DGKB: variants seen among roughly 807,000 people sequenced by gnomAD.
DGKB encodes 90 kDa diacylglycerol kinase.
DGKB carries 67 observed loss-of-function variants against 114.3 expected under a neutral mutation model. That is an observed-to-expected ratio of 0.59 (90% CI 0.48 to 0.72). The LOEUF is 0.72. Among genes scored for constraint, DGKB ranks in the 30% least tolerant of loss-of-function variants. The pLI is 0.00. For missense variants in DGKB, 907 were observed against 975.2 expected, an observed-to-expected ratio of 0.93 and a Z score of 0.93; for synonymous variants, 398 against 323.1, an observed-to-expected ratio of 1.23 and a Z score of -2.49.
intron 2 of DGKB, among the ~76,000 whole-genome samples, chr7:14,805,078 G>C (rs1842632105): frequency 6.6e-6 from 1 of 151,964 alleles, no homozygotes; most frequent in Non-Finnish European, 1.5e-5. Context: ...TCTTCTCCTT[G>C]TATTATTCTC....
At chr7:14,953,865 T>G (rs1786344825) in intron 1 of DGKB, among the ~76,000 whole-genome samples, 1 of 152,108 alleles carries the variant, frequency 6.6e-6, no homozygotes, top group South Asian at 2.1e-4. Context: ...GAAGTGTTTA[T>G]GAGAGCACCA....
At chr7:14,861,613 C>T (rs1470897164) in intron 1 of DGKB, among the ~76,000 whole-genome samples, 2 of 152,054 alleles carry the variant, frequency 1.3e-5, no homozygotes, top group African/African-American at 2.4e-5. Flanking sequence ...TCTTAAAGCA[C>T]TCCCTTTCAC....
chr7:14,689,198 TA>T (rs150639327), intron 9 of DGKB, among the ~76,000 whole-genome samples: 18 of 121,450 alleles, frequency 1.5e-4, no homozygotes, highest in African/African-American at 6.5e-4. Flanking sequence ...AAACTCCTCT[TA>T]TTTTTTTTTT....
chr7:14,861,750 C>T (rs1851009567), intron 1 of DGKB, among the ~76,000 whole-genome samples: 1 of 151,922 alleles, frequency 6.6e-6, no homozygotes, highest in Non-Finnish European at 1.5e-5. Context: ...TTCATTTCCT[C>T]AGTATTATGT....
At chr7:14,259,227 A>C (rs548209960) in intron 23 of DGKB, among the ~76,000 whole-genome samples, 1 of 152,308 alleles carries the variant, frequency 6.6e-6, no homozygotes, top group South Asian at 2.1e-4. Flanking sequence ...TTATGTGTAG[A>C]AATTGTTGAC....
chr7:14,214,021 C>G (rs1788560842), intron 23 of DGKB, among the ~76,000 whole-genome samples: 1 of 152,080 alleles, frequency 6.6e-6, no homozygotes, highest in African/African-American at 2.4e-5. Context: ...TTTATCTCTT[C>G]CCAAGTACTC....
intron 23 of DGKB, among the ~76,000 whole-genome samples, chr7:14,315,029 A>G (rs1235310269): frequency 1.3e-5 from 2 of 151,994 alleles, no homozygotes; most frequent in African/African-American, 4.8e-5. Context: ...ATGCAGCCAA[A>G]CTAAGCTTCA....
intron 1 of DGKB, among the ~76,000 whole-genome samples, chr7:14,912,321 A>T (rs768132872): frequency 2.0e-5 from 3 of 152,178 alleles, no homozygotes; most frequent in Non-Finnish European, 4.4e-5. Flanking sequence ...CAACTACTTC[A>T]TATTTGTTGA....
rs11350983 is a variant in DGKB at position 14,681,110 on chromosome 7, C to CA, written c.1035+1442dup. Among the ~76,000 whole-genome samples, 391 of 140,166 alleles carry CA rather than the reference C, an allele frequency of 2.8e-3. 2 individuals are homozygous for CA. The highest frequency in any genetic ancestry group is 8.3e-3 in the African/African-American group (315 of 37,868). The allele number at this position is 140,166 out of a possible 152,430, so 92.0% of individuals were successfully genotyped here. A position where few individuals can be genotyped will look rare whatever the true frequency, so the allele number is the denominator to read the frequency against. ...ATGACATATGTTTGTAAATGCTTAG[C>CA]AAAAAAAAAAACTGGTTTTTAAAAA... On this transcript the variant is annotated intron_variant, in intron 12 of 25. Transcript: ENST00000402815.
At chr7:14,962,641 TG>T (rs1449424820) in intron 1 of DGKB, among the ~76,000 whole-genome samples, 3 of 135,992 alleles carry the variant, frequency 2.2e-5, no homozygotes, top group African/African-American at 3.6e-5. Context: ...TGTGTTTGTG[TG>T]TGTGTGTGTG....
chr7:14,638,971 G>A (rs979231010), intron 13 of DGKB, among the ~76,000 whole-genome samples: 1 of 152,110 alleles, frequency 6.6e-6, no homozygotes, highest in Non-Finnish European at 1.5e-5. Context: ...CCGGGAGGTG[G>A]AGGTTGCAGT....
chr7:14,859,930 A>C (rs1303809155), intron 1 of DGKB, among the ~76,000 whole-genome samples: 1 of 152,068 alleles, frequency 6.6e-6, no homozygotes, highest in East Asian at 1.9e-4. Context: ...AGTTGTACCC[A>C]AAGCCCAGAA....
intron 2 of DGKB, among the ~76,000 whole-genome samples, chr7:14,837,464 T>A (rs1459991456): frequency 1.3e-5 from 2 of 152,188 alleles, no homozygotes; most frequent in Non-Finnish European, 2.9e-5. Flanking sequence ...CAGCCCCACC[T>A]TATTCCAAGA....
intron 1 of DGKB, among the ~76,000 whole-genome samples, chr7:14,914,911 G>A (rs1255145221): frequency 2.6e-5 from 4 of 151,988 alleles, no homozygotes; most frequent in Non-Finnish European, 4.4e-5. Flanking sequence ...TCCGTAGACT[G>A]GACAGAACTG....
At position 14,726,752 on chromosome 7, in the gene DGKB, G is replaced by A. The variant is rs912742096; in HGVS notation, c.323-8067C>T. On this transcript the variant is annotated intron_variant, in intron 5 of 25. Coordinates refer to ENST00000402815, the MANE Select transcript of DGKB (RefSeq NM_001350709.2). ...GCACATATATTTGCCAAATCTTTACGTATGATTTTTCTTATTGCTCATCTG... is the reference window on the plus strand; with the variant it reads ...GCACATATATTTGCCAAATCTTTACATATGATTTTTCTTATTGCTCATCTG... Among the ~76,000 whole-genome samples the A allele has an allele frequency of 6.6e-5, 10 of 152,124 alleles. 1 individual carries two copies. The highest frequency in any genetic ancestry group is 5.9e-4 in the Admixed American group (9 of 15,276).
At chr7:14,662,101 T>C (rs1344303090) in intron 13 of DGKB, among the ~76,000 whole-genome samples, 2 of 152,024 alleles carry the variant, frequency 1.3e-5, no homozygotes, top group Non-Finnish European at 2.9e-5. Flanking sequence ...ATATACCTAA[T>C]GCTAGATGAC....
intron 20 of DGKB, among the ~76,000 whole-genome samples, chr7:14,496,889 A>G (rs1157070230): frequency 6.6e-6 from 1 of 151,852 alleles, no homozygotes; most frequent in Non-Finnish European, 1.5e-5. Flanking sequence ...ATAAGGATAT[A>G]TTTCTAAAAA....
intron 4 of DGKB, among the ~76,000 whole-genome samples, chr7:14,737,872 G>A (rs1393110474): frequency 2.8e-5 from 4 of 143,508 alleles, no homozygotes; most frequent in Non-Finnish European, 3.0e-5. Flanking sequence ...CCGGCCTGGC[G>A]ATAGAGTGAG....
intron 22 of DGKB, among the ~76,000 whole-genome samples, chr7:14,344,259 A>G (rs1424101924): frequency 6.6e-6 from 1 of 151,400 alleles, no homozygotes; most frequent in Non-Finnish European, 1.5e-5. Context: ...CCATTCCATG[A>G]CCATCAATTC....
Sources: allele counts gnomAD v4.1 joint callset (sites outside exome capture counted in the v4.1 genomes callset), GRCh38; gene constraint gnomAD v4.1.1; transcripts MANE v1.5; gene names NCBI Gene and HGNC (gene_info 2026-07-23, HGNC 2026-07-21).